GAN: variants seen among roughly 807,000 people sequenced by gnomAD.
GAN encodes gigaxonin.
In GAN, 48 loss-of-function variants were observed where a neutral mutation model predicts 71.3. The observed-to-expected ratio is 0.67, with a 90% CI of 0.53 to 0.86. The LOEUF is 0.86. Ranked by LOEUF, GAN falls within the 40% of genes least tolerant of loss-of-function variation. The pLI is 0.00. For synonymous variants in GAN, 386 were observed against 276.8 expected (o/e 1.39, Z -3.92); for missense variants, 928 against 770.1 (o/e 1.21, Z -2.43).
intron 6 of GAN, 56 bp downstream of exon 6, chr16:81,362,667 C>T: frequency 1.0e-6 from 1 of 962,788 alleles, no homozygotes. Flanking sequence ...CTTAGCGCTT[C>T]TGTTTGTTTT....
chr16:81,387,092 C>T lies in GAN; in HGVS notation c.*9496C>T, dbSNP rs1323381937. ...GCTACTCTAGCAGCATCCTGTTTGA[C>T]ATTTGTATCCATAACTTGAATAAAA... On this transcript the variant is annotated 3_prime_UTR_variant, in exon 11 of 11. Coordinates refer to ENST00000648994, the MANE Select transcript of GAN (RefSeq NM_022041.4). 1 of 152,240 alleles carries T rather than the reference C, an allele frequency of 6.6e-6. No homozygotes were observed. The highest frequency in any genetic ancestry group is 2.4e-5 in the African/African-American group (1 of 41,462). 9.4% of individuals were successfully genotyped at this position (152,240 alleles called of 1,614,324 possible). A position where few individuals can be genotyped will look rare whatever the true frequency, so the allele number is the denominator to read the frequency against.
intron 5 of GAN, among the ~76,000 whole-genome samples, chr16:81,361,648 C>CA (rs1323045078): frequency 6.6e-6 from 1 of 152,180 alleles, no homozygotes; most frequent in Non-Finnish European, 1.5e-5. Context: ...ATTTTCCCTT[C>CA]AGTTTTGCCT....
chr16:81,364,384 G>T (rs1024921669), intron 7 of GAN, among the ~76,000 whole-genome samples: 2 of 152,136 alleles, frequency 1.3e-5, no homozygotes, highest in African/African-American at 4.8e-5. Flanking sequence ...TCCCACCTCA[G>T]CCTACTGAAT....
intron 1 of GAN, among the ~76,000 whole-genome samples, chr16:81,343,439 C>T (rs1000610375): frequency 3.3e-5 from 5 of 152,148 alleles, no homozygotes; most frequent in Non-Finnish European, 7.3e-5. Flanking sequence ...TGGCTTCATC[C>T]CTGGGATGCA....
rs937639042 is a variant in GAN at position 81,314,963 on chromosome 16, G to A, written c.-151G>A. The A allele has an allele frequency of 6.3e-5, 36 of 569,800 alleles. No homozygotes were observed. Among genetic ancestry groups the A allele is most frequent in the Admixed American group, 1.3e-4 (3 of 22,672 alleles). 35.3% of individuals were successfully genotyped at this position (569,800 alleles called of 1,614,324 possible). Reference sequence around the variant, plus strand: ...AAAGGCGCCGGCCCAGCGCGCCGCGGATAGCACAGGCACGTCCCGGGGGCT... The same window carrying A: ...AAAGGCGCCGGCCCAGCGCGCCGCGAATAGCACAGGCACGTCCCGGGGGCT... On this transcript the variant is annotated 5_prime_UTR_variant, in exon 1 of 11. Transcript: ENST00000648994.
intron 1 of GAN, among the ~76,000 whole-genome samples, chr16:81,332,837 C>T (rs1360899002): frequency 6.6e-6 from 1 of 152,158 alleles, no homozygotes. Flanking sequence ...GCAAGAACCC[C>T]ATGGAAGTGA....
At position 81,382,137 on chromosome 16, in the gene GAN, T is replaced by TC. The variant is rs1904308655; in HGVS notation, c.*4545dup. On this transcript the variant is annotated 3_prime_UTR_variant, in exon 11 of 11. Coordinates refer to ENST00000648994, the MANE Select transcript of GAN (RefSeq NM_022041.4). The stretch of plus-strand genomic sequence containing the variant: ...CACCTCTGGAATAGGCAGGGCACTC[T>TC]CCCCATTGTACCAGGGTAATCTTGG... 1 of 152,146 alleles carries TC rather than the reference T, an allele frequency of 6.6e-6. No homozygotes were observed. The highest frequency in any genetic ancestry group is 6.5e-5 in the Admixed American group (1 of 15,276). The allele number at this position is 152,146 out of a possible 1,614,324, so 9.4% of individuals were successfully genotyped here. A position where few individuals can be genotyped will look rare whatever the true frequency, so the allele number is the denominator to read the frequency against.
chr16:81,354,529 G>T lies in GAN; in HGVS notation c.407G>T (p.Gly136Val). 1 of 1,613,922 alleles carries T rather than the reference G, an allele frequency of 6.2e-7. No individual in the cohort carries two copies. Among genetic ancestry groups the T allele is most frequent in the Non-Finnish European group, 8.5e-7 (1 of 1,179,850 alleles). ...EGCIAAENCI[G>V]IRDFALHYCL... is the part of the protein sequence containing the mutation. Reference sequence around the variant, plus strand: ...TGCATTGCTGCTGAGAACTGTATTGGTATCCGTGACTTTGCACTACATTAC... The same window carrying T: ...TGCATTGCTGCTGAGAACTGTATTGTTATCCGTGACTTTGCACTACATTAC... The change falls in exon 3 of 11, where the codon GGT becomes GTT. Residue 136 changes from glycine (G) to valine (V), a missense_variant. Physicochemically the swap from Gly to Val is moderately radical, Grantham distance 109. Transcript: ENST00000648994.
intron 1 of GAN, among the ~76,000 whole-genome samples, chr16:81,330,069 A>C (rs1909522607): frequency 6.6e-6 from 1 of 151,966 alleles, no homozygotes; most frequent in African/African-American, 2.4e-5. Context: ...TCTCGTTTCT[A>C]CCTCTCAGAT....
intron 1 of GAN, among the ~76,000 whole-genome samples, chr16:81,327,803 G>C (rs114551567): frequency 2.7e-5 from 4 of 150,762 alleles, no homozygotes; most frequent in Admixed American, 2.6e-4. Flanking sequence ...TCCCCAAAGT[G>C]AAGGGGCTTA....
In GAN at chr16:81,378,264, G is replaced by T. The variant is rs1200472848; in HGVS notation, c.*668G>T. On this transcript the variant is annotated 3_prime_UTR_variant, in exon 11 of 11. Coordinates refer to ENST00000648994, the MANE Select transcript of GAN (RefSeq NM_022041.4). ...ATTCAGTAAATTGATGAGTCAGGTT[G>T]CAGCCCTCATGTGAACTGAAAGAAG... 3 of 155,090 alleles carry T rather than the reference G, an allele frequency of 1.9e-5. No individual in the cohort carries two copies. The highest frequency in any genetic ancestry group is 7.2e-5 in the African/African-American group (3 of 41,454). 9.6% of individuals were successfully genotyped at this position (155,090 alleles called of 1,614,324 possible). A position where few individuals can be genotyped will look rare whatever the true frequency, so the allele number is the denominator to read the frequency against.
At chr16:81,352,429 G>A (rs140978428) in intron 2 of GAN, among the ~76,000 whole-genome samples, 1 of 152,196 alleles carries the variant, frequency 6.6e-6, no homozygotes, top group East Asian at 1.9e-4. Context: ...TGTGAATCAG[G>A]GCTAGTTTTT....
chr16:81,322,860 A>C (rs190768177), intron 1 of GAN, among the ~76,000 whole-genome samples: 51 of 152,328 alleles, frequency 3.3e-4, no homozygotes, highest in African/African-American at 1.2e-3. Context: ...GAAACTTCAT[A>C]CTGAAACCTC....
chr16:81,353,451 A>G (rs1910373074), intron 2 of GAN, among the ~76,000 whole-genome samples: 1 of 152,218 alleles, frequency 6.6e-6, no homozygotes, highest in African/African-American at 2.4e-5. Flanking sequence ...TGTCATATAA[A>G]TGGAACATTT....
intron 2 of GAN, among the ~76,000 whole-genome samples, chr16:81,352,165 G>T (rs1244303005): frequency 6.6e-6 from 1 of 152,142 alleles, no homozygotes; most frequent in Non-Finnish European, 1.5e-5. Flanking sequence ...CCCAGAGAAA[G>T]ATGACTGACA....
At chr16:81,330,359 G>A (rs906716812) in intron 1 of GAN, among the ~76,000 whole-genome samples, 1 of 152,240 alleles carries the variant, frequency 6.6e-6, no homozygotes, top group African/African-American at 2.4e-5. Context: ...AAGCACTGAG[G>A]AGCTCAGAAG....
At chr16:81,315,559 C>T (rs1022256741) in intron 1 of GAN, among the ~76,000 whole-genome samples, 5 of 152,092 alleles carry the variant, frequency 3.3e-5, no homozygotes, top group African/African-American at 1.2e-4. Context: ...CCCGCCTTGT[C>T]CCTCCCGGTT....
At chr16:81,315,307 C>A (rs758049073) in intron 1 of GAN, 27 bp downstream of exon 1, 6 of 1,475,302 alleles carry the variant, frequency 4.1e-6, no homozygotes, top group Non-Finnish European at 5.4e-6. Context: ...GGCGGGCGGG[C>A]GCGGCGGTGC....
In GAN at chr16:81,385,746, T is replaced by G. The variant is rs1904381614; in HGVS notation, c.*8150T>G. ...CCACATGATATACAAGTAAATGTAT[T>G]AGAAGTTGGTGTTCATAAAATACTT... On this transcript the variant is annotated 3_prime_UTR_variant, in exon 11 of 11. Transcript: ENST00000648994. The G allele has an allele frequency of 6.6e-6, 1 of 151,878 alleles. No homozygotes were observed. The highest frequency in any genetic ancestry group is 1.5e-5 in the Non-Finnish European group (1 of 68,148). 9.4% of individuals were successfully genotyped at this position (151,878 alleles called of 1,614,324 possible).
Sources: gnomAD v4.1 joint callset for allele counts (sites outside exome capture counted in the v4.1 genomes callset) on GRCh38, gnomAD v4.1.1 for gene constraint, MANE v1.5 for transcripts, NCBI Gene and HGNC (gene_info 2026-07-23, HGNC 2026-07-21) for gene names.